Variants in RSPH9 observed in about 807,000 individuals in gnomAD.
RSPH9 encodes radial spoke head protein 9 homolog.
A neutral mutation model predicts 27.0 loss-of-function variants in RSPH9; 27 were observed. The observed-to-expected ratio is 1.00, with a 90% CI of 0.74 to 1.38. RSPH9 has a LOEUF of 1.38. RSPH9 is among the 40% of genes most tolerant of loss of function. The probability of loss-of-function intolerance (pLI) is 0.00; values close to 1 mark genes in which losing one functional copy is unlikely to be tolerated. For synonymous variants in RSPH9, 145 were observed against 147.7 expected, an observed-to-expected ratio of 0.98 and a Z score of 0.13; for missense variants, 347 against 357.4, an observed-to-expected ratio of 0.97 and a Z score of 0.24.
Position 43,656,739 on chromosome 6 carries a change from C to T in RSPH9, c.670+16C>T, listed in dbSNP as rs1772081936. The T allele has an allele frequency of 6.2e-7, 1 of 1,613,592 alleles. No individual in the cohort carries two copies. ...ATTCCCAAAGGTAATAGTCCATTAC[C>T]TGGAGGCCATGGGATCTGTCCTCAG... is the stretch of plus-strand genomic sequence containing the variant. On this transcript the variant is annotated intron_variant, in intron 4 of 4. Coordinates refer to ENST00000372163, the MANE Select transcript of RSPH9 (RefSeq NM_152732.5).
chr6:43,651,310 G>T (rs912853497), intron 2 of RSPH9, among the ~76,000 whole-genome samples: 1 of 152,136 alleles, frequency 6.6e-6, no homozygotes, highest in African/African-American at 2.4e-5. Flanking sequence ...ACTGGATAAA[G>T]GCAGTGGGTA....
intron 4 of RSPH9, among the ~76,000 whole-genome samples, chr6:43,658,044 C>T (rs146791395): frequency 2.3e-4 from 35 of 152,264 alleles, no homozygotes; most frequent in African/African-American, 8.2e-4. Context: ...GATCCCAGCA[C>T]TTTGGGAGGC....
chr6:43,658,363 C>T (rs1285527668), intron 4 of RSPH9, among the ~76,000 whole-genome samples: 1 of 151,230 alleles, frequency 6.6e-6, no homozygotes, highest in Non-Finnish European at 1.5e-5. Flanking sequence ...AATTTGGCTC[C>T]TGACCACCAT....
chr6:43,665,818 T>G (rs1000415902), intron 4 of RSPH9, among the ~76,000 whole-genome samples: 2 of 151,948 alleles, frequency 1.3e-5, no homozygotes, highest in African/African-American at 4.8e-5. Context: ...TTTCTTTCTT[T>G]CTTTCTTTTT....
At chr6:43,658,162 C>T (rs1384909178) in intron 4 of RSPH9, among the ~76,000 whole-genome samples, 1 of 151,820 alleles carries the variant, frequency 6.6e-6, no homozygotes, top group Non-Finnish European at 1.5e-5. Flanking sequence ...TGGTAGCACA[C>T]GCTTGTAAAC....
At chr6:43,666,987 G>T (rs112997299) in intron 4 of RSPH9, among the ~76,000 whole-genome samples, 1,915 of 152,134 alleles carry the variant, frequency 0.013, 39 homozygotes, top group African/African-American at 0.042. Context: ...CAGGTGATCT[G>T]CCCACCTCAG....
At chr6:43,652,305 CAA>C (rs1302502064) in intron 2 of RSPH9, among the ~76,000 whole-genome samples, 3 of 86,562 alleles carry the variant, frequency 3.5e-5, no homozygotes, top group Admixed American at 1.3e-4. Flanking sequence ...GACTCTGTCT[CAA>C]AAAAAAAAAA....
chr6:43,671,806 C>G lies in RSPH9; in HGVS notation c.*857C>G. 1 of 1,614,226 alleles carries G rather than the reference C, an allele frequency of 6.2e-7. No individual in the cohort carries two copies. The highest frequency in any genetic ancestry group is 1.1e-5 in the South Asian group (1 of 91,086). On this transcript the variant is annotated 3_prime_UTR_variant, in exon 5 of 5. Transcript: ENST00000372163. ...GGTGTTCTTGAGTAGCAGACATTGT[C>G]CCTCAGAAGGGGTGACCCCACGGGC...
intron 3 of RSPH9, among the ~76,000 whole-genome samples, chr6:43,656,159 C>T (rs1772028313): frequency 6.7e-6 from 1 of 148,794 alleles, no homozygotes; most frequent in Non-Finnish European, 1.5e-5. Context: ...AATCTTGGCT[C>T]ACTGCAACCC....
At chr6:43,667,139 T>C (rs2127930182) in intron 4 of RSPH9, among the ~76,000 whole-genome samples, 1 of 152,316 alleles carries the variant, frequency 6.6e-6, no homozygotes, top group Admixed American at 6.5e-5. Flanking sequence ...AACAGGCACC[T>C]GTGATGCCCT....
intron 4 of RSPH9, among the ~76,000 whole-genome samples, chr6:43,663,138 C>A (rs188476137): frequency 6.6e-6 from 1 of 152,300 alleles, no homozygotes; most frequent in African/African-American, 2.4e-5. Context: ...TAAACTTAGT[C>A]ATTTCTAGCT....
chr6:43,648,999 T>A (rs755971846), intron 1 of RSPH9, among the ~76,000 whole-genome samples: 1 of 151,976 alleles, frequency 6.6e-6, no homozygotes, highest in African/African-American at 2.4e-5. Context: ...GCAGAAATCA[T>A]GGCACAGTGG....
Position 43,671,820 on chromosome 6 carries a change from G to A in RSPH9, c.*871G>A, listed in dbSNP as rs904798476. On this transcript the variant is annotated 3_prime_UTR_variant, in exon 5 of 5. Coordinates refer to ENST00000372163, the MANE Select transcript of RSPH9 (RefSeq NM_152732.5). ...GCAGACATTGTCCCTCAGAAGGGGTGACCCCACGGGCATGCGCACCCTGTT... is the reference window on the plus strand; with the variant it reads ...GCAGACATTGTCCCTCAGAAGGGGTAACCCCACGGGCATGCGCACCCTGTT... 3 of 1,614,114 alleles carry A rather than the reference G, an allele frequency of 1.9e-6. No individual in the cohort carries two copies. The African/African-American group carries it at 4.0e-5, about 22-fold the overall frequency.
In RSPH9 at chr6:43,668,786, T is replaced by C. The variant is rs569288982; in HGVS notation, c.671-2003T>C. The stretch of plus-strand genomic sequence containing the variant: ...AAGCTGCCCTCCCTCAGTAGGCAGA[T>C]AGAGATGAGGCAGTCTGGTCTTAGT... On this transcript the variant is annotated intron_variant, in intron 4 of 4. Coordinates refer to ENST00000372163, the MANE Select transcript of RSPH9 (RefSeq NM_152732.5). 2.6e-4 allele frequency among the ~76,000 whole-genome samples: 39 copies of C among 152,330 alleles called. No individual in the cohort carries two copies. The East Asian group carries it at 6.2e-3, about 24-fold the overall frequency.
intron 4 of RSPH9, among the ~76,000 whole-genome samples, chr6:43,668,450 GC>G (rs1773373353): frequency 6.6e-6 from 1 of 152,070 alleles, no homozygotes; most frequent in African/African-American, 2.4e-5. Context: ...GCGCAGCACT[GC>G]CCCCTGCCAG....
At chr6:43,657,857 G>A (rs560239510) in intron 4 of RSPH9, among the ~76,000 whole-genome samples, 4 of 152,316 alleles carry the variant, frequency 2.6e-5, no homozygotes, top group African/African-American at 9.6e-5. Context: ...ATACCACCCT[G>A]AATGTGCCTA....
rs767545053 is a variant in RSPH9 at position 43,672,347 on chromosome 6, G to A, written c.*1398G>A. ...CCCCAACCTTCAGGGAACTCCCCAG[G>A]GTACTATAACTGGTATAAGACCCCT... On this transcript the variant is annotated 3_prime_UTR_variant, in exon 5 of 5. Coordinates refer to ENST00000372163, the MANE Select transcript of RSPH9 (RefSeq NM_152732.5). 1.1e-5 allele frequency: 5 copies of A among 472,414 alleles called. No individual in the cohort carries two copies. Among genetic ancestry groups the A allele is most frequent in the African/African-American group, 1.0e-4 (5 of 50,168 alleles). The allele number at this position is 472,414 out of a possible 1,614,324, so 29.3% of individuals were successfully genotyped here. A position where few individuals can be genotyped will look rare whatever the true frequency, so the allele number is the denominator to read the frequency against.
intron 4 of RSPH9, among the ~76,000 whole-genome samples, chr6:43,657,792 G>A (rs1772177350): frequency 1.3e-5 from 2 of 152,122 alleles, no homozygotes; most frequent in African/African-American, 4.8e-5. Flanking sequence ...TCTAAAAAGG[G>A]GAGAATTGAT....
chr6:43,665,235 A>G (rs917203640), intron 4 of RSPH9, among the ~76,000 whole-genome samples: 1 of 152,208 alleles, frequency 6.6e-6, no homozygotes, highest in African/African-American at 2.4e-5. Flanking sequence ...AGGGAACACC[A>G]TCAGCCCTAT....
Sources: allele counts gnomAD v4.1 joint callset (sites outside exome capture counted in the v4.1 genomes callset), GRCh38; gene constraint gnomAD v4.1.1; transcripts MANE v1.5; gene names NCBI Gene and HGNC (gene_info 2026-07-23, HGNC 2026-07-21).